Variants in MSL2 observed in about 807,000 individuals in gnomAD.
MSL2 encodes MSL complex subunit 2.
A neutral mutation model predicts 35.8 loss-of-function variants in MSL2; 2 were observed. The ratio of observed to expected loss-of-function variants is 0.06; its 90% CI spans 0.02 to 0.18. The LOEUF is 0.18. Ranked by LOEUF, MSL2 falls within the 10% of genes least tolerant of loss-of-function variation. MSL2 has a pLI of 1.00. For synonymous variants in MSL2, 296 were observed against 255.7 expected, an observed-to-expected ratio of 1.16 and a Z score of -1.50; for missense variants, 523 against 706.7, an observed-to-expected ratio of 0.74 and a Z score of 2.95.
chr3:136,151,582 T>C lies in MSL2; in HGVS notation c.1299A>G (p.Ala433=). 1.2e-6 allele frequency: 2 copies of C among 1,614,208 alleles called. No homozygotes were observed. Among genetic ancestry groups the C allele is most frequent in the Non-Finnish European group, 1.7e-6 (2 of 1,180,030 alleles). Residue 433 remains alanine, a synonymous_variant, in exon 2 of 2, where the codon GCA becomes GCG. Transcript: ENST00000309993. This position sits in a 1 kb window ranked among gnomAD's most constrained non-coding sequence, Gnocchi z 5.2. ...GATGACTAGGAATCTTTTCCTTTAC[T>C]GCTTTGTCTTTTTTAAGAATACCTG... ...TKPGILKKDK[A]VKEKIPSHHF...
At position 136,196,011 on chromosome 3, in the gene MSL2, C is replaced by G. The variant is rs1420244903; in HGVS notation, c.-898G>C. The G allele has an allele frequency of 5.6e-6, 1 of 178,482 alleles. No individual in the cohort carries two copies. The highest frequency in any genetic ancestry group is 1.1e-5 in the Non-Finnish European group (1 of 91,974). 11.1% of individuals were successfully genotyped at this position (178,482 alleles called of 1,614,324 possible). On this transcript the variant is annotated 5_prime_UTR_variant, in exon 1 of 2. Transcript: ENST00000309993. The stretch of plus-strand genomic sequence containing the variant: ...GCCACACACACAGACGACTCCTCCG[C>G]CGAGCACGACGGCCGCCGCCGCCCT...
At chr3:136,171,787 G>A (rs1035744238) in intron 1 of MSL2, among the ~76,000 whole-genome samples, 5 of 152,182 alleles carry the variant, frequency 3.3e-5, no homozygotes, top group African/African-American at 4.8e-5. Flanking sequence ...TCTATAAAGG[G>A]TGTATCAAAA....
intron 1 of MSL2, among the ~76,000 whole-genome samples, chr3:136,166,062 TAAAAAAAAAA>T (rs34420183): frequency 1.7e-4 from 14 of 80,086 alleles, no homozygotes; most frequent in African/African-American, 5.9e-4. Context: ...TACGTACCAG[TAAAAAAAAAA>T]AAAAAAAAAA....
In MSL2 at chr3:136,149,302, CTT is replaced by C. The variant is rs1205557236; in HGVS notation, c.*1843_*1844del. The C allele has an allele frequency of 1.3e-5, 2 of 152,558 alleles. No individual in the cohort carries two copies. Among genetic ancestry groups the C allele is most frequent in the East Asian group, 3.9e-4 (2 of 5,176 alleles). The allele number at this position is 152,558 out of a possible 1,614,324, so 9.5% of individuals were successfully genotyped here. ...TAGTGAATAAAGAACAGATTTACAA[CTT>C]TATATAGCAGGGCATCTGGGTTCAA... is the stretch of plus-strand genomic sequence containing the variant. On this transcript the variant is annotated 3_prime_UTR_variant, in exon 2 of 2. Transcript: ENST00000309993.
At chr3:136,172,531 G>C (rs2108077813) in intron 1 of MSL2, among the ~76,000 whole-genome samples, 1 of 152,242 alleles carries the variant, frequency 6.6e-6, no homozygotes, top group African/African-American at 2.4e-5. Flanking sequence ...AATCCCAAAT[G>C]TAGTGGGCAC....
rs760598672 is a variant in MSL2 at position 136,195,051 on chromosome 3, G to A, written c.63C>T (p.Asp21=). The change falls in exon 1 of 2, where the codon GAC becomes GAT. Residue 21 remains aspartate (D), a synonymous_variant. Coordinates refer to ENST00000309993, the MANE Select transcript of MSL2 (RefSeq NM_018133.4). ...CAGTAAACGCCTTGGGGTCTCCGGGGTCGTAGTTGAGCACTAGGCGGCTCG... is the reference window on the plus strand; with the variant it reads ...CAGTAAACGCCTTGGGGTCTCCGGGATCGTAGTTGAGCACTAGGCGGCTCG... ...ISASRLVLNY[D]PGDPKAFTEI... 2.5e-5 allele frequency: 40 copies of A among 1,613,990 alleles called. No individual in the cohort carries two copies. In the East Asian group the frequency reaches 8.2e-4, roughly 33 times the overall value.
In MSL2 at chr3:136,195,788, C is replaced by G. The variant is rs1416396156; in HGVS notation, c.-675G>C. 1.7e-5 allele frequency: 17 copies of G among 984,932 alleles called. No homozygotes were observed. The highest frequency in any genetic ancestry group is 2.0e-5 in the Non-Finnish European group (17 of 829,860). The allele number at this position is 984,932 out of a possible 1,614,324, so 61.0% of individuals were successfully genotyped here. ...CCGTGGGTTGCAGCCCGCAGTTCCC[C>G]GAGGTGGCGAGGCGGGCGGGAGTCC... is the stretch of plus-strand genomic sequence containing the variant. On this transcript the variant is annotated 5_prime_UTR_variant, in exon 1 of 2. Transcript: ENST00000309993.
intron 1 of MSL2, among the ~76,000 whole-genome samples, chr3:136,188,803 ACCAG>A (rs1940596702): frequency 6.6e-6 from 1 of 151,194 alleles, no homozygotes; most frequent in African/African-American, 2.4e-5. Context: ...ACCAGATCTT[ACCAG>A]ACTGAAACAG....
chr3:136,184,908 A>G (rs116130379), intron 1 of MSL2, among the ~76,000 whole-genome samples: 2,536 of 152,242 alleles, frequency 0.017, 74 homozygotes, highest in African/African-American at 0.058. Flanking sequence ...GCAAAACCTC[A>G]TACTTTTCCA....
intron 1 of MSL2, among the ~76,000 whole-genome samples, chr3:136,186,736 A>G (rs1178513183): frequency 6.6e-6 from 1 of 152,150 alleles, no homozygotes; most frequent in Non-Finnish European, 1.5e-5. Context: ...ATTATAGTGA[A>G]CTCTATAATT....
intron 1 of MSL2, among the ~76,000 whole-genome samples, chr3:136,170,498 A>C (rs1368500452): frequency 1.3e-5 from 2 of 151,160 alleles, no homozygotes; most frequent in African/African-American, 2.4e-5. Flanking sequence ...AAAGGAAAAA[A>C]AACTCTGTCC....
At chr3:136,158,325 A>C (rs1939591579) in intron 1 of MSL2, among the ~76,000 whole-genome samples, 1 of 151,956 alleles carries the variant, frequency 6.6e-6, no homozygotes, top group Non-Finnish European at 1.5e-5. Context: ...AAATTAAAAA[A>C]AAAAAAAAGA....
intron 1 of MSL2, among the ~76,000 whole-genome samples, chr3:136,187,387 G>C (rs576052451): frequency 6.6e-6 from 1 of 152,214 alleles, no homozygotes; most frequent in South Asian, 2.1e-4. Context: ...ATTTGGCCAG[G>C]CGCAGTGGCT....
At chr3:136,176,323 G>C (rs1377345664) in intron 1 of MSL2, among the ~76,000 whole-genome samples, 1 of 151,980 alleles carries the variant, frequency 6.6e-6, no homozygotes, top group East Asian at 1.9e-4. Context: ...AGACCAGCCT[G>C]GGCAACACAG....
chr3:136,155,587 T>C (rs964467669), intron 1 of MSL2: 3 of 320,576 alleles, frequency 9.4e-6, no homozygotes, highest in Non-Finnish European at 6.5e-6. Context: ...GATGACAGCA[T>C]TCAACCCCAA....
chr3:136,177,403 G>C (rs756127816), intron 1 of MSL2, among the ~76,000 whole-genome samples: 2 of 152,068 alleles, frequency 1.3e-5, no homozygotes, highest in African/African-American at 2.4e-5. Context: ...GGCCGGGCAC[G>C]GTGGTTCATG....
At chr3:136,154,662 G>T (rs1246393621) in intron 1 of MSL2, among the ~76,000 whole-genome samples, 1 of 152,034 alleles carries the variant, frequency 6.6e-6, no homozygotes, top group Non-Finnish European at 1.5e-5. Context: ...GAGAAACTGA[G>T]AAAACATTTA....
At chr3:136,157,703 G>C (rs1939573507) in intron 1 of MSL2, among the ~76,000 whole-genome samples, 1 of 152,110 alleles carries the variant, frequency 6.6e-6, no homozygotes, top group African/African-American at 2.4e-5. Flanking sequence ...AAGAATTAAG[G>C]AAGCCCTATG....
At chr3:136,162,274 A>T (rs570101055) in intron 1 of MSL2, among the ~76,000 whole-genome samples, 5,819 of 124,346 alleles carry the variant, frequency 0.047, 328 homozygotes, top group African/African-American at 0.15. Flanking sequence ...TAAGGTTTTT[A>T]AAAAAAAAAA....
Sources: gnomAD v4.1 joint callset for allele counts (sites outside exome capture counted in the v4.1 genomes callset) on GRCh38, gnomAD v4.1.1 for gene constraint, Gnocchi (gnomAD v3.1) non-coding constraint, MANE v1.5 for transcripts, NCBI Gene and HGNC (gene_info 2026-07-23, HGNC 2026-07-21) for gene names.